PSEN1: variants seen among roughly 807,000 people sequenced by gnomAD.
PSEN1 encodes the protein presenilin 1.
A neutral mutation model predicts 53.5 loss-of-function variants in PSEN1; 15 were observed. The ratio of observed to expected loss-of-function variants is 0.28; its 90% confidence interval spans 0.19 to 0.43. PSEN1 has a LOEUF of 0.43. Ranked by LOEUF, PSEN1 falls within the 20% of genes least tolerant of loss-of-function variation. The pLI is 1.00. For missense variants in PSEN1, 387 were observed against 571.2 expected, an observed-to-expected ratio of 0.68 and a Z score of 3.29; for synonymous variants, 208 against 209.8, an observed-to-expected ratio of 0.99 and a Z score of 0.08.
Position 73,192,527 on chromosome 14 carries a change from T to TA in PSEN1, c.549-113dup, listed in dbSNP as rs534504185. ...ATAGCACAGTTGATATAGGTTATGG[T>TA]AAAATTATAAAGGTGGGATATTAAT... On this transcript the variant is annotated intron_variant, in intron 6 of 11. Transcript: ENST00000324501. 19 of 757,516 alleles carry TA rather than the reference T, an allele frequency of 2.5e-5. No individual in the cohort carries two copies. In the South Asian group the frequency reaches 2.6e-4, roughly 10 times the overall value. The allele number at this position is 757,516 out of a possible 1,614,324, so 46.9% of individuals were successfully genotyped here. A position where few individuals can be genotyped will look rare whatever the true frequency, so the allele number is the denominator to read the frequency against.
intron 8 of PSEN1, among the ~76,000 whole-genome samples, chr14:73,202,406 A>C (rs2140114817): frequency 8.6e-6 from 1 of 116,830 alleles, no homozygotes; most frequent in East Asian, 2.5e-4. Context: ...GTTTTAAAAT[A>C]TCTATCACAT....
At chr14:73,164,109 C>G (rs985920014) in intron 3 of PSEN1, among the ~76,000 whole-genome samples, 2 of 152,110 alleles carry the variant, frequency 1.3e-5, no homozygotes, top group Non-Finnish European at 2.9e-5. Context: ...TGGAGGTATT[C>G]TGGCAGAATT....
At chr14:73,201,269 G>A (rs1899176514) in intron 8 of PSEN1, among the ~76,000 whole-genome samples, 1 of 152,062 alleles carries the variant, frequency 6.6e-6, no homozygotes, top group South Asian at 2.1e-4. Context: ...TGTATTTTTA[G>A]TAGCAACGGG....
intron 8 of PSEN1, among the ~76,000 whole-genome samples, chr14:73,202,075 T>C (rs1899211238): frequency 6.6e-6 from 1 of 151,952 alleles, no homozygotes; most frequent in Non-Finnish European, 1.5e-5. Flanking sequence ...AGGTAAGTCT[T>C]GCTCTGTTGC....
intron 1 of PSEN1, among the ~76,000 whole-genome samples, chr14:73,140,739 C>T (rs1896902307): frequency 6.6e-6 from 1 of 152,242 alleles, no homozygotes; most frequent in East Asian, 1.9e-4. Context: ...CTAAAAGTTA[C>T]AGATAAGGGA....
At chr14:73,209,277 C>T (rs991744634) in intron 9 of PSEN1, among the ~76,000 whole-genome samples, 2 of 152,220 alleles carry the variant, frequency 1.3e-5, no homozygotes, top group Non-Finnish European at 2.9e-5. Context: ...TGCACCTCCC[C>T]TGCTGCAGCT....
intron 4 of PSEN1, among the ~76,000 whole-genome samples, chr14:73,171,657 T>C (rs185349736): frequency 1.9e-4 from 29 of 152,232 alleles, no homozygotes; most frequent in Admixed American, 5.2e-4. Context: ...CTAATTCCAA[T>C]TGGCTAATTT....
At chr14:73,204,502 T>G (rs1197614691) in intron 8 of PSEN1, among the ~76,000 whole-genome samples, 5 of 150,820 alleles carry the variant, frequency 3.3e-5, no homozygotes, top group Non-Finnish European at 5.9e-5. Flanking sequence ...TTGTACAGCT[T>G]ATAAGCTAAA....
chr14:73,146,600 G>T (rs1259198250), intron 1 of PSEN1, among the ~76,000 whole-genome samples: 2 of 152,094 alleles, frequency 1.3e-5, no homozygotes, highest in East Asian at 3.8e-4. Context: ...AATGTGTAAT[G>T]ATTTGAATGA....
At position 73,183,903 on chromosome 14, in the gene PSEN1, C is replaced by T. The variant is rs1359830775; in HGVS notation, c.481-2950C>T. Among the ~76,000 whole-genome samples, 5 of 143,788 alleles carry T rather than the reference C, an allele frequency of 3.5e-5. 1 individual carries two copies. The highest frequency in any genetic ancestry group is 2.9e-4 in the Admixed American group (4 of 13,826). 94.3% of individuals were successfully genotyped at this position (143,788 alleles called of 152,430 possible). On this transcript the variant is annotated intron_variant, in intron 5 of 11. Coordinates refer to ENST00000324501, the MANE Select transcript of PSEN1 (RefSeq NM_000021.4). ...GCAGAGGTGCCCCTCACCTCCCGGG[C>T]GGGGCGGCTGGCCGGGCGGGGGGCT...
chr14:73,217,380 G>C, intron 11 of PSEN1, 136 bp downstream of exon 11: 1 of 974,308 alleles, frequency 1.0e-6, no homozygotes, highest in South Asian at 1.4e-5. Context: ...TTGATAATTG[G>C]ACCTCACCTT....
Position 73,193,166 on chromosome 14 carries a change from C to T in PSEN1, c.769+302C>T, listed in dbSNP as rs957519625. ...ATCTACAGAAAATACAAAAATTAGC[C>T]GGGCATGGTGGTGCACACCTGTAGT... On this transcript the variant is annotated intron_variant, in intron 7 of 11. Transcript: ENST00000324501. 5.3e-5 allele frequency among the ~76,000 whole-genome samples: 8 copies of T among 151,766 alleles called. No homozygotes were observed. The South Asian group carries it at 8.3e-4, about 16-fold the overall frequency.
intron 1 of PSEN1, among the ~76,000 whole-genome samples, chr14:73,138,660 A>G (rs1189366066): frequency 6.6e-6 from 1 of 151,742 alleles, no homozygotes; most frequent in Non-Finnish European, 1.5e-5. Flanking sequence ...CCATAAACAC[A>G]TTTTTAAAGG....
intron 6 of PSEN1, among the ~76,000 whole-genome samples, chr14:73,190,610 G>T (rs947041790): frequency 1.3e-5 from 2 of 152,084 alleles, no homozygotes; most frequent in African/African-American, 4.8e-5. Flanking sequence ...TTCCAATCAG[G>T]CACGGTGGCT....
chr14:73,215,342 G>C (rs1899868961), intron 10 of PSEN1, among the ~76,000 whole-genome samples: 1 of 151,714 alleles, frequency 6.6e-6, no homozygotes, highest in African/African-American at 2.4e-5. Flanking sequence ...CCAGCACTTT[G>C]GGAGACCAAG....
chr14:73,170,593 G>A (rs938946088), intron 3 of PSEN1, among the ~76,000 whole-genome samples: 1 of 152,230 alleles, frequency 6.6e-6, no homozygotes, highest in East Asian at 1.9e-4. Context: ...CCAAGACCCA[G>A]GTAAAAGAGA....
chr14:73,137,330 C>T (rs1896775964), intron 1 of PSEN1: 1 of 152,188 alleles, frequency 6.6e-6, no homozygotes, highest in African/African-American at 2.4e-5. Context: ...GTGAAGTTGA[C>T]TAGGAGGTTT....
At chr14:73,140,199 A>ATT (rs1896881072) in intron 1 of PSEN1, among the ~76,000 whole-genome samples, 15 of 102,418 alleles carry the variant, frequency 1.5e-4, no homozygotes, top group South Asian at 3.0e-4. Context: ...TTTTTTTGCT[A>ATT]TTCTTTTTTT....
chr14:73,187,591 T>C (rs1204821149), intron 6 of PSEN1, among the ~76,000 whole-genome samples: 1 of 152,086 alleles, frequency 6.6e-6, no homozygotes, highest in Non-Finnish European at 1.5e-5. Context: ...AAAAAAATTA[T>C]CAAAACTGAC....
Sources: gnomAD v4.1 joint callset for allele counts (sites outside exome capture counted in the v4.1 genomes callset) on GRCh38, gnomAD v4.1.1 for gene constraint, MANE v1.5 for transcripts, NCBI Gene and HGNC (gene_info 2026-07-23, HGNC 2026-07-21) for gene names.